RCHY1: variants seen among roughly 807,000 people sequenced by gnomAD.
RCHY1 encodes RING finger and CHY zinc finger domain-containing protein 1.
In RCHY1, 21 loss-of-function variants were observed where a neutral mutation model predicts 41.6. The ratio of observed to expected loss-of-function variants is 0.51; its 90% CI spans 0.36 to 0.73. The LOEUF (loss-of-function observed/expected upper bound fraction) is 0.73, where lower values mean the gene tolerates loss of function less well. Among genes scored for constraint, RCHY1 ranks in the 30% least tolerant of loss-of-function variants. RCHY1 has a pLI of 0.00. For missense variants in RCHY1, 265 were observed against 325.3 expected (o/e 0.81, Z 1.43); for synonymous variants, 79 against 102.9 (o/e 0.77, Z 1.41).
At chr4:75,513,753 A>G (rs927788062) in intron 1 of RCHY1, among the ~76,000 whole-genome samples, 2 of 152,200 alleles carry the variant, frequency 1.3e-5, no homozygotes, top group African/African-American at 4.8e-5. Context: ...GAACATGTGC[A>G]CTGCCTTTAA....
intron 3 of RCHY1, among the ~76,000 whole-genome samples, chr4:75,501,814 C>T (rs1723789177): frequency 6.6e-6 from 1 of 152,186 alleles, no homozygotes; most frequent in Admixed American, 6.5e-5. Context: ...TGCGGTGGCT[C>T]ACGCCTATAA....
Position 75,491,769 on chromosome 4 carries a change from G to A in RCHY1, c.464C>T (p.Ser155Phe). 1.2e-6 allele frequency: 2 copies of A among 1,612,806 alleles called. No individual in the cohort carries two copies. The highest frequency in any genetic ancestry group is 1.7e-6 in the Non-Finnish European group (2 of 1,179,124). Reference sequence around the variant, plus strand: ...TGGCAAGACATGAGCAACAACACGGGATGTGTGAATGTCCTGTAAATGAAA... The same window carrying A: ...TGGCAAGACATGAGCAACAACACGGAATGTGTGAATGTCCTGTAAATGAAA... ...CPICLEDIHT[S>F]RVVAHVLPCG... Residue 155 changes from serine (S) to phenylalanine (F), a missense_variant, in exon 6 of 9, where the codon TCC becomes TTC. Coordinates refer to ENST00000324439, the MANE Select transcript of RCHY1 (RefSeq NM_015436.4).
At chr4:75,514,418 T>C, upstream of RCHY1, 1 of 1,047,462 alleles carries the variant, frequency 9.5e-7, no homozygotes, top group Non-Finnish European at 1.3e-6. Context: ...CCTAAGCACG[T>C]GACCCGGGGC....
intron 8 of RCHY1, among the ~76,000 whole-genome samples, chr4:75,490,056 A>C (rs1456681137): frequency 1.3e-5 from 2 of 152,162 alleles, no homozygotes; most frequent in Non-Finnish European, 2.9e-5. Context: ...TATGACTCTT[A>C]TCTCTCAATT....
At chr4:75,496,240 T>G (rs1207708540) in intron 3 of RCHY1, among the ~76,000 whole-genome samples, 1 of 152,056 alleles carries the variant, frequency 6.6e-6, no homozygotes, top group African/African-American at 2.4e-5. Flanking sequence ...CACAGAGTGA[T>G]CTGTGAGAGA....
At chr4:75,486,729 CAGGAGGCCA>C (rs1472061263) in intron 8 of RCHY1, among the ~76,000 whole-genome samples, 1 of 152,116 alleles carries the variant, frequency 6.6e-6, no homozygotes, top group Admixed American at 6.6e-5. Flanking sequence ...AATTCAGCTT[CAGGAGGCCA>C]AGGAGGCCAA....
rs1724644798 is a variant in RCHY1 at position 75,509,293 on chromosome 4, G to A, written c.94C>T (p.Pro32Ser). The change falls in exon 2 of 9, where the codon CCT becomes TCT. Residue 32 changes from proline to serine, a missense_variant. Pro to Ser is a moderately conservative substitution (Grantham distance 74). Transcript: ENST00000324439. ...HYDRGCLLKAPCCDKLYTCRL... is the reference protein window; with the variant it reads ...HYDRGCLLKASCCDKLYTCRL... ...CAAGTATAAAGCTTGTCACAGCAAG[G>A]TGCCTAACACCCACGGAGAAAAAAG... 1.9e-6 allele frequency: 3 copies of A among 1,612,168 alleles called. No homozygotes were observed. Among genetic ancestry groups the A allele is most frequent in the Non-Finnish European group, 2.5e-6 (3 of 1,179,144 alleles).
chr4:75,482,426 T>G lies in RCHY1; in HGVS notation c.*112A>C. On this transcript the variant is annotated 3_prime_UTR_variant, in exon 9 of 9. Transcript: ENST00000324439. Reference sequence around the variant, plus strand: ...ATATGATTTTATGCTGTGACACTAGTACAAAACACATCAACTCTAATGCAT... The same window carrying G: ...ATATGATTTTATGCTGTGACACTAGGACAAAACACATCAACTCTAATGCAT... 1.0e-6 allele frequency: 1 copy of G among 984,256 alleles called. No individual in the cohort carries two copies. Among genetic ancestry groups the G allele is most frequent in the Non-Finnish European group, 1.4e-6 (1 of 699,284 alleles). The allele number at this position is 984,256 out of a possible 1,614,324, so 61.0% of individuals were successfully genotyped here.
intron 3 of RCHY1, among the ~76,000 whole-genome samples, chr4:75,494,933 T>C (rs914447626): frequency 9.9e-5 from 15 of 151,970 alleles, no homozygotes; most frequent in African/African-American, 3.6e-4. Flanking sequence ...TGTACATTAA[T>C]GAACTACTTG....
At chr4:75,513,901 C>A (rs1578249795) in intron 1 of RCHY1, 2 of 260,578 alleles carry the variant, frequency 7.7e-6, no homozygotes, top group East Asian at 1.5e-4. Context: ...AGGCCCGGGG[C>A]TGCCTCAGTC....
chr4:75,498,481 C>CAAAA (rs57789217), intron 3 of RCHY1, among the ~76,000 whole-genome samples: 1 of 68,768 alleles, frequency 1.5e-5, no homozygotes, highest in Non-Finnish European at 3.3e-5. Flanking sequence ...CAATCCTGAG[C>CAAAA]AAAAAAAAAA....
chr4:75,487,027 T>C (rs1032278919), intron 8 of RCHY1, among the ~76,000 whole-genome samples: 2 of 151,852 alleles, frequency 1.3e-5, no homozygotes, highest in African/African-American at 2.4e-5. Context: ...TTGTTTCAAA[T>C]TGAAGGAATA....
At chr4:75,489,309 T>C (rs192887859) in intron 8 of RCHY1, among the ~76,000 whole-genome samples, 2 of 152,310 alleles carry the variant, frequency 1.3e-5, no homozygotes, top group African/African-American at 4.8e-5. Context: ...CATTCAATTG[T>C]CATTTTGAAT....
chr4:75,512,858 G>T (rs1725055713), intron 1 of RCHY1, among the ~76,000 whole-genome samples: 1 of 129,134 alleles, frequency 7.7e-6, no homozygotes, highest in African/African-American at 2.9e-5. Context: ...TGACCCAGCT[G>T]ACCACATCCT....
At chr4:75,489,095 G>T (rs1448676532) in intron 8 of RCHY1, among the ~76,000 whole-genome samples, 1 of 151,464 alleles carries the variant, frequency 6.6e-6, no homozygotes, top group African/African-American at 2.4e-5. Flanking sequence ...AAAAAAAAAA[G>T]TCTGCATTCC....
chr4:75,480,327 A>C lies in RCHY1; in HGVS notation c.*2211T>G, dbSNP rs549412984. 6.6e-6 allele frequency: 1 copy of C among 152,300 alleles called. No homozygotes were observed. Among genetic ancestry groups the C allele is most frequent in the Admixed American group, 6.5e-5 (1 of 15,306 alleles). The allele number at this position is 152,300 out of a possible 1,614,324, so 9.4% of individuals were successfully genotyped here. A position where few individuals can be genotyped will look rare whatever the true frequency, so the allele number is the denominator to read the frequency against. Reference sequence around the variant, plus strand: ...AGTCACCTAAAAAAATGAAAGGTTAATCTATCAAATCATGAGCGCTTCAAT... The same window carrying C: ...AGTCACCTAAAAAAATGAAAGGTTACTCTATCAAATCATGAGCGCTTCAAT... On this transcript the variant is annotated 3_prime_UTR_variant, in exon 9 of 9. Transcript: ENST00000324439.
intron 8 of RCHY1, among the ~76,000 whole-genome samples, chr4:75,484,752 T>C (rs908510948): frequency 2.0e-5 from 3 of 152,106 alleles, no homozygotes; most frequent in African/African-American, 7.2e-5. Flanking sequence ...CATTTGCTTA[T>C]AGAAATGGCA....
At chr4:75,489,924 A>C (rs1722598200) in intron 8 of RCHY1, among the ~76,000 whole-genome samples, 1 of 152,168 alleles carries the variant, frequency 6.6e-6, no homozygotes, top group Middle Eastern at 3.2e-3. Context: ...ACACTCTTGG[A>C]AGTGGACACC....
chr4:75,495,786 T>C (rs922196718), intron 3 of RCHY1, among the ~76,000 whole-genome samples: 1 of 152,054 alleles, frequency 6.6e-6, no homozygotes, highest in African/African-American at 2.4e-5. Context: ...TGAATACAGT[T>C]TGAAGAGTCA....
Sources: gnomAD v4.1 joint callset for allele counts (sites outside exome capture counted in the v4.1 genomes callset) on GRCh38, gnomAD v4.1.1 for gene constraint, MANE v1.5 for transcripts, NCBI Gene and HGNC (gene_info 2026-07-23, HGNC 2026-07-21) for gene names.